Variants in CNTN4 observed in about 807,000 individuals in gnomAD.
CNTN4 encodes contactin-4.
CNTN4 carries 77 observed loss-of-function variants against 122.5 expected under a neutral mutation model. The ratio of observed to expected loss-of-function variants is 0.63; its 90% CI spans 0.52 to 0.76. The LOEUF is 0.76. Among genes scored for constraint, CNTN4 ranks in the 30% least tolerant of loss-of-function variants. The pLI is 0.00. For missense variants in CNTN4, 1,256 were observed against 1,259.1 expected, an observed-to-expected ratio of 1.00 and a Z score of 0.04; for synonymous variants, 512 against 447.0, an observed-to-expected ratio of 1.15 and a Z score of -1.83.
At chr3:2,359,015 G>A (rs1340088771) in intron 3 of CNTN4, among the ~76,000 whole-genome samples, 1 of 152,140 alleles carries the variant, frequency 6.6e-6, no homozygotes, top group Non-Finnish European at 1.5e-5. Flanking sequence ...TTATAAATAT[G>A]TCATAGTTAT....
chr3:2,927,886 A>G (rs1226875029), intron 13 of CNTN4, among the ~76,000 whole-genome samples: 1 of 152,214 alleles, frequency 6.6e-6, no homozygotes, highest in Non-Finnish European at 1.5e-5. Context: ...AACTATCAAT[A>G]TTAGCACTTA....
At chr3:2,336,677 T>C (rs887720498) in intron 2 of CNTN4, among the ~76,000 whole-genome samples, 2 of 152,108 alleles carry the variant, frequency 1.3e-5, no homozygotes, top group Non-Finnish European at 2.9e-5. Flanking sequence ...CTTCTAAGCA[T>C]AAAAAAATTA....
In CNTN4 at chr3:2,482,904, G is replaced by A. The variant is rs572376300; in HGVS notation, c.-88-88512G>A. On this transcript the variant is annotated intron_variant, in intron 3 of 24. Coordinates refer to ENST00000418658, the MANE Select transcript of CNTN4 (RefSeq NM_175607.3). ...AGCCCTCATGGAGAACCTTTGCTAG[G>A]GTAGTGTGAAAGGGAAATGTGGGGT... 3.9e-5 allele frequency among the ~76,000 whole-genome samples: 6 copies of A among 152,336 alleles called. No individual in the cohort carries two copies. In the East Asian group the frequency reaches 1.2e-3, roughly 29 times the overall value.
intron 3 of CNTN4, among the ~76,000 whole-genome samples, chr3:2,397,927 T>A (rs2046700035): frequency 1.3e-5 from 2 of 152,162 alleles, no homozygotes; most frequent in African/African-American, 4.8e-5. Flanking sequence ...TGGGGTTGAA[T>A]TTGGTCTAAG....
chr3:2,146,913 C>T (rs901218328), intron 2 of CNTN4, among the ~76,000 whole-genome samples: 1 of 152,074 alleles, frequency 6.6e-6, no homozygotes, highest in Non-Finnish European at 1.5e-5. Flanking sequence ...GACGGAGGCT[C>T]ACTCTGTCGC....
intron 6 of CNTN4, among the ~76,000 whole-genome samples, chr3:2,778,042 G>A (rs1033025198): frequency 2.7e-5 from 4 of 150,794 alleles, no homozygotes; most frequent in Admixed American, 2.0e-4. Flanking sequence ...GTGAAACCCC[G>A]TCTCTACTAA....
intron 13 of CNTN4, among the ~76,000 whole-genome samples, chr3:2,938,136 G>C (rs1180711687): frequency 2.6e-5 from 4 of 152,184 alleles, no homozygotes. Flanking sequence ...GTAGAAATGA[G>C]ACTTTGATCT....
chr3:2,520,259 C>CTTTTTTTTTTTTTTTTTTTTTTT (rs397988483), intron 3 of CNTN4, among the ~76,000 whole-genome samples: 9 of 74,466 alleles, frequency 1.2e-4, no homozygotes, highest in African/African-American at 5.1e-4. Context: ...TGATTGCTTC[C>CTTTTTTTTTTTTTTTTTTTTTTT]TTTTTTTTTT....
At chr3:2,903,634 C>G (rs1283566492) in intron 12 of CNTN4, among the ~76,000 whole-genome samples, 1 of 152,186 alleles carries the variant, frequency 6.6e-6, no homozygotes, top group Non-Finnish European at 1.5e-5. Context: ...CATCTTCCAT[C>G]TTCATTGGTG....
intron 2 of CNTN4, among the ~76,000 whole-genome samples, chr3:2,175,745 C>G (rs146120147): frequency 6.6e-6 from 1 of 152,104 alleles, no homozygotes; most frequent in African/African-American, 2.4e-5. Flanking sequence ...AGAGCTCTGG[C>G]TAACTGGTGT....
At chr3:2,724,775 G>T (rs1456868841) in intron 4 of CNTN4, among the ~76,000 whole-genome samples, 2 of 152,150 alleles carry the variant, frequency 1.3e-5, no homozygotes, top group Non-Finnish European at 2.9e-5. Context: ...AACAACAGCA[G>T]TTCACCCCAG....
chr3:2,617,218 G>T (rs1478309878), intron 4 of CNTN4, among the ~76,000 whole-genome samples: 2 of 151,910 alleles, frequency 1.3e-5, no homozygotes, highest in Non-Finnish European at 2.9e-5. Context: ...TACAGAACGG[G>T]AGAAAATTTT....
At chr3:2,280,490 T>G (rs933182566) in intron 2 of CNTN4, among the ~76,000 whole-genome samples, 2 of 152,208 alleles carry the variant, frequency 1.3e-5, no homozygotes, top group Admixed American at 6.5e-5. Context: ...TAATGTTTCT[T>G]GCCCCTGGTC....
chr3:2,716,053 C>T (rs1408124810), intron 4 of CNTN4, among the ~76,000 whole-genome samples: 3 of 152,236 alleles, frequency 2.0e-5, no homozygotes, highest in East Asian at 1.9e-4. Flanking sequence ...CAGCCTCAAC[C>T]TCCTGGGCTC....
At chr3:2,484,641 G>A (rs577076903) in intron 3 of CNTN4, among the ~76,000 whole-genome samples, 4 of 152,290 alleles carry the variant, frequency 2.6e-5, no homozygotes, top group African/African-American at 4.8e-5. Flanking sequence ...CTGTGTCAAC[G>A]GCTACAAGGA....
chr3:2,308,463 A>G (rs1243698935), intron 2 of CNTN4, among the ~76,000 whole-genome samples: 2 of 151,876 alleles, frequency 1.3e-5, no homozygotes, highest in South Asian at 4.1e-4. Context: ...CCAGGGTTTC[A>G]AGGTGGAAAG....
intron 4 of CNTN4, among the ~76,000 whole-genome samples, chr3:2,612,885 A>G (rs2081559953): frequency 1.3e-5 from 2 of 152,146 alleles, no homozygotes; most frequent in Admixed American, 6.6e-5. Context: ...GTTTCACCCC[A>G]AGAGTGTTAG....
chr3:2,158,103 A>G (rs2035799544), intron 2 of CNTN4, among the ~76,000 whole-genome samples: 1 of 152,144 alleles, frequency 6.6e-6, no homozygotes, highest in Middle Eastern at 3.2e-3. Context: ...TATACTGCAT[A>G]TATGGGAAAT....
At chr3:2,375,645 G>A (rs1209375597) in intron 3 of CNTN4, among the ~76,000 whole-genome samples, 1 of 152,106 alleles carries the variant, frequency 6.6e-6, no homozygotes, top group Admixed American at 6.5e-5. Flanking sequence ...ATCTTCCCAG[G>A]GGCCTGCCCT....
Sources: gnomAD v4.1 joint callset for allele counts (sites outside exome capture counted in the v4.1 genomes callset) on GRCh38, gnomAD v4.1.1 for gene constraint, MANE v1.5 for transcripts, NCBI Gene and HGNC (gene_info 2026-07-23, HGNC 2026-07-21) for gene names.